Variants in PGS1 observed in about 807,000 individuals in gnomAD.
The protein encoded by PGS1 is phosphatidylglycerophosphate synthase 1, also known as CDP-diacylglycerol--glycerol-3-phosphate 3-phosphatidyltransferase, mitochondrial.
PGS1 carries 44 observed loss-of-function variants against 58.3 expected under a neutral mutation model. That is an observed-to-expected ratio of 0.75 (90% CI 0.59 to 0.97). The LOEUF (loss-of-function observed/expected upper bound fraction) is 0.97, where lower values mean the gene tolerates loss of function less well. Ranked by LOEUF, PGS1 falls within the 50% of genes least tolerant of loss-of-function variation. The pLI is 0.00. For missense variants in PGS1, 684 were observed against 731.1 expected (o/e 0.94, Z 0.74); for synonymous variants, 330 against 311.0 (o/e 1.06, Z -0.64).
chr17:78,388,709 G>T (rs1023943443), intron 1 of PGS1, among the ~76,000 whole-genome samples: 1 of 152,086 alleles, frequency 6.6e-6, no homozygotes, highest in Non-Finnish European at 1.5e-5. Context: ...TGAGTTCCTT[G>T]TTTGAATCCT....
intron 9 of PGS1, among the ~76,000 whole-genome samples, chr17:78,422,282 A>C (rs1168597072): frequency 6.6e-6 from 1 of 152,106 alleles, no homozygotes; most frequent in African/African-American, 2.4e-5. Context: ...CTGCAGCCAC[A>C]AAGGGCTGGA....
chr17:78,399,686 A>G, intron 5 of PGS1, 149 bp downstream of exon 5: 1 of 735,620 alleles, frequency 1.4e-6, no homozygotes, highest in African/African-American at 1.8e-5. Flanking sequence ...CCTCCCCGAC[A>G]CTGTCTCTGC....
chr17:78,381,502 T>G (rs2082034656), intron 1 of PGS1, among the ~76,000 whole-genome samples: 1 of 152,190 alleles, frequency 6.6e-6, no homozygotes, highest in Non-Finnish European at 1.5e-5. Flanking sequence ...TTCGAGTTAT[T>G]CATGTTTGTT....
intron 1 of PGS1, chr17:78,380,830 T>A (rs1361312207): frequency 6.6e-6 from 1 of 152,144 alleles, no homozygotes; most frequent in East Asian, 1.9e-4. Context: ...CTCATGAGTG[T>A]GCTTTTTTTC....
rs752290372 is a variant in PGS1 at position 78,378,688 on chromosome 17, C to T, written c.23C>T (p.Ala8Val). ...TCCATGGCGGTGGCGGCGGCAGCTG[C>T]GGCGGGACCCGTGTTCTGGAGGCGA... is the stretch of plus-strand genomic sequence containing the variant. MAVAAAA[A>V]AGPVFWRRLL... is the part of the protein sequence containing the mutation. Residue 8 changes from alanine to valine, a missense_variant, in exon 1 of 10, where the codon GCG (alanine) becomes GTG (valine). Coordinates refer to ENST00000262764, the MANE Select transcript of PGS1 (RefSeq NM_024419.5). 11 of 1,524,498 alleles carry T rather than the reference C, an allele frequency of 7.2e-6. No homozygotes were observed. Among genetic ancestry groups the T allele is most frequent in the South Asian group, 3.6e-5 (3 of 82,442 alleles). 94.4% of individuals were successfully genotyped at this position (1,524,498 alleles called of 1,614,324 possible). A position where few individuals can be genotyped will look rare whatever the true frequency, so the allele number is the denominator to read the frequency against.
At chr17:78,420,177 T>G (rs1182872874) in intron 9 of PGS1, 1 of 999,606 alleles carries the variant, frequency 1.0e-6, no homozygotes, top group Non-Finnish European at 1.2e-6. Flanking sequence ...GGCTGCTGCC[T>G]GGACGCCTCG....
At chr17:78,381,936 T>C (rs545856683) in intron 1 of PGS1, among the ~76,000 whole-genome samples, 23 of 152,304 alleles carry the variant, frequency 1.5e-4, no homozygotes, top group African/African-American at 4.6e-4. Context: ...CTGTGCTAGG[T>C]ACTCAGGAAG....
chr17:78,397,514 G>A (rs74458397), intron 3 of PGS1, among the ~76,000 whole-genome samples: 3 of 151,628 alleles, frequency 2.0e-5, no homozygotes, highest in Non-Finnish European at 4.4e-5. Context: ...TCGGCTTGCC[G>A]CAACCTCCGC....
chr17:78,400,979 C>T lies in PGS1; in HGVS notation c.880+124C>T. Reference sequence around the variant, plus strand: ...ACTTGGGTGGCAAGGCTTCATTCTGCTTTTGTCCTTGAAGCCAGACAGATG... The same window carrying T: ...ACTTGGGTGGCAAGGCTTCATTCTGTTTTTGTCCTTGAAGCCAGACAGATG... On this transcript the variant is annotated intron_variant, in intron 6 of 9. Transcript: ENST00000262764. The surrounding 1 kb of genome is among the most constrained non-coding windows in gnomAD (Gnocchi z 4.4). 1 of 799,500 alleles carries T rather than the reference C, an allele frequency of 1.3e-6. No homozygotes were observed. 49.5% of individuals were successfully genotyped at this position (799,500 alleles called of 1,614,324 possible).
At chr17:78,423,105 G>GAAA (rs11449829) in intron 9 of PGS1, among the ~76,000 whole-genome samples, 4 of 137,500 alleles carry the variant, frequency 2.9e-5, no homozygotes, top group African/African-American at 1.1e-4. Context: ...ACTCTCCCTC[G>GAAA]AAAAAAAAAA....
rs534236561 is a variant in PGS1 at position 78,379,880 on chromosome 17, T to C, written c.143+1072T>C. On this transcript the variant is annotated intron_variant, in intron 1 of 9. Transcript: ENST00000262764. The stretch of plus-strand genomic sequence containing the variant: ...AAATAGTTTTCTTTTCTTTTCTTTT[T>C]TTTTTGAGACGGAGTTTCACTCGTT... 1.6e-3 allele frequency among the ~76,000 whole-genome samples: 250 copies of C among 151,866 alleles called. 1 individual carries two copies. The highest frequency in any genetic ancestry group is 2.2e-3 in the African/African-American group (89 of 41,280).
chr17:78,389,481 G>C (rs371577477), intron 1 of PGS1, among the ~76,000 whole-genome samples: 1 of 151,988 alleles, frequency 6.6e-6, no homozygotes, highest in South Asian at 2.1e-4. Context: ...CACCATGCCC[G>C]GCCCAATTTT....
rs1029957539 is a variant in PGS1 at position 78,379,969 on chromosome 17, C to A, written c.143+1161C>A. ...TCAATCTCCACCTTCCAGGTTCAAG[C>A]GATTCTCCTGCCTCAGCCTCCCGAG... On this transcript the variant is annotated intron_variant, in intron 1 of 9. Transcript: ENST00000262764. 2.6e-5 allele frequency among the ~76,000 whole-genome samples: 4 copies of A among 151,368 alleles called. No individual in the cohort carries two copies. In the South Asian group the frequency reaches 8.3e-4, roughly 32 times the overall value.
chr17:78,381,749 G>A (rs1398695569), intron 1 of PGS1, among the ~76,000 whole-genome samples: 1 of 152,156 alleles, frequency 6.6e-6, no homozygotes, highest in Non-Finnish European at 1.5e-5. Context: ...TTTTACTGCC[G>A]CGGTTTCCTT....
chr17:78,383,613 C>T (rs916937862), intron 1 of PGS1, among the ~76,000 whole-genome samples: 1 of 152,186 alleles, frequency 6.6e-6, no homozygotes, highest in Non-Finnish European at 1.5e-5. Flanking sequence ...CCAGAAGTTA[C>T]TTTTCTTTGA....
chr17:78,396,196 CAT>C (rs2083216645), intron 2 of PGS1, 110 bp from the exon 3 acceptor site: 13 of 768,958 alleles, frequency 1.7e-5, no homozygotes, highest in East Asian at 2.5e-5. Flanking sequence ...TTGGTGAAGA[CAT>C]AGGATAGTTC....
chr17:78,401,139 G>A (rs2083625730), intron 6 of PGS1, among the ~76,000 whole-genome samples: 1 of 152,110 alleles, frequency 6.6e-6, no homozygotes, highest in Non-Finnish European at 1.5e-5. Context: ...ACGCAGGTGA[G>A]GAGGACTCAG....
chr17:78,384,656 G>T lies in PGS1; in HGVS notation c.143+5848G>T, dbSNP rs140319796. On this transcript the variant is annotated intron_variant, in intron 1 of 9. Transcript: ENST00000262764. The stretch of plus-strand genomic sequence containing the variant: ...CGCCTCTGAGGGACACTGAATTACC[G>T]ACCTGTGTTTGGTATGGAGAGCGCA... Among the ~76,000 whole-genome samples, 138 of 152,272 alleles carry T rather than the reference G, an allele frequency of 9.1e-4. 1 individual carries two copies. In the East Asian group the frequency reaches 0.024, roughly 26 times the overall value.
intron 8 of PGS1, among the ~76,000 whole-genome samples, chr17:78,417,161 G>A (rs915365551): frequency 3.3e-5 from 5 of 152,184 alleles, no homozygotes; most frequent in African/African-American, 9.7e-5. Flanking sequence ...TCGTAACCTC[G>A]TCAGCTGACT....
Sources: allele counts gnomAD v4.1 joint callset (sites outside exome capture counted in the v4.1 genomes callset), GRCh38; gene constraint gnomAD v4.1.1; non-coding constraint Gnocchi (gnomAD v3.1); transcripts MANE v1.5; gene names NCBI Gene and HGNC (gene_info 2026-07-23, HGNC 2026-07-21).